The following ADAM29 variants were observed in gnomAD, a reference collection of about 807,000 sequenced individuals.
The protein encoded by ADAM29 is disintegrin and metalloproteinase domain-containing protein 29.
For missense variants in ADAM29, 969 were observed against 1,001.8 expected (o/e 0.97, Z 0.44); for synonymous variants, 367 against 342.3 (o/e 1.07, Z -0.80).
chr4:174,953,609 G>C (rs1745316028), intron 4 of ADAM29, among the ~76,000 whole-genome samples: 1 of 152,090 alleles, frequency 6.6e-6, no homozygotes, highest in South Asian at 2.1e-4. Context: ...TTATTGTTTT[G>C]GAAGATTACT....
intron 4 of ADAM29, among the ~76,000 whole-genome samples, chr4:174,948,873 C>T (rs1579044139): frequency 2.0e-5 from 3 of 152,202 alleles, no homozygotes; most frequent in East Asian, 3.9e-4. Context: ...TATGAGTTCA[C>T]ATCGGCGGTG....
At chr4:174,956,283 C>T (rs1745492984) in intron 4 of ADAM29, among the ~76,000 whole-genome samples, 1 of 152,030 alleles carries the variant, frequency 6.6e-6, no homozygotes, top group Non-Finnish European at 1.5e-5. Context: ...CCTTCCTCAA[C>T]ATCTATACAA....
chr4:174,942,824 A>G (rs745330253), intron 4 of ADAM29, among the ~76,000 whole-genome samples: 10 of 152,174 alleles, frequency 6.6e-5, no homozygotes, highest in Non-Finnish European at 7.3e-5. Context: ...TTTCTTTTCT[A>G]CCAAATGGTC....
chr4:174,958,892 T>C (rs1387332374), intron 4 of ADAM29, among the ~76,000 whole-genome samples: 1 of 151,880 alleles, frequency 6.6e-6, no homozygotes, highest in Admixed American at 6.6e-5. Context: ...AGGTACCTTG[T>C]AACACAGTGT....
intron 4 of ADAM29, among the ~76,000 whole-genome samples, chr4:174,955,251 A>C (rs1056162997): frequency 1.1e-4 from 16 of 152,068 alleles, no homozygotes; most frequent in Admixed American, 6.6e-5. Context: ...TTGAATCATG[A>C]ATTGTCTGAT....
At chr4:174,974,900 GATA>G (rs1746670074) in intron 4 of ADAM29, among the ~76,000 whole-genome samples, 2 of 152,112 alleles carry the variant, frequency 1.3e-5, no homozygotes, top group Non-Finnish European at 2.9e-5. Context: ...ATGTCTCTTA[GATA>G]ATGTTTTCAA....
intron 4 of ADAM29, among the ~76,000 whole-genome samples, chr4:174,941,653 C>T (rs1291161897): frequency 6.6e-6 from 1 of 152,144 alleles, no homozygotes; most frequent in Non-Finnish European, 1.5e-5. Context: ...CACCAGGTCC[C>T]TCTCCTGACA....
chr4:174,973,750 G>A (rs1746596107), intron 4 of ADAM29, among the ~76,000 whole-genome samples: 1 of 151,950 alleles, frequency 6.6e-6, no homozygotes, highest in South Asian at 2.1e-4. Context: ...ATCATTGCTG[G>A]TGCCATCTGG....
intron 2 of ADAM29, among the ~76,000 whole-genome samples, chr4:174,923,307 G>A (rs546744532): frequency 2.0e-5 from 3 of 151,550 alleles, no homozygotes; most frequent in South Asian, 2.1e-4. Context: ...CACCCACCTC[G>A]GACTCCCAAA....
In ADAM29 at chr4:174,945,654, C is replaced by T. The variant is rs146956109; in HGVS notation, c.-181+8641C>T. On this transcript the variant is annotated intron_variant, in intron 4 of 4. Coordinates refer to ENST00000359240, the MANE Select transcript of ADAM29 (RefSeq NM_014269.4). Reference sequence around the variant, plus strand: ...TTACATTTAAGTAATTAGTTTATCTCGAGTTGATTTTTGTATATGGTGTAA... The same window carrying T: ...TTACATTTAAGTAATTAGTTTATCTTGAGTTGATTTTTGTATATGGTGTAA... Among the ~76,000 whole-genome samples, 1,227 of 152,030 alleles carry T rather than the reference C, an allele frequency of 8.1e-3. 11 individuals are homozygous for T. Among genetic ancestry groups the T allele is most frequent in the Middle Eastern group, 0.024 (7 of 294 alleles).
intron 4 of ADAM29, among the ~76,000 whole-genome samples, chr4:174,975,071 T>C (rs1202676101): frequency 4.2e-4 from 64 of 152,210 alleles, no homozygotes; most frequent in Non-Finnish European, 8.8e-5. Flanking sequence ...AATAATTACA[T>C]ATTTAAAGAA....
At chr4:174,935,122 A>T (rs1249825880) in intron 3 of ADAM29, among the ~76,000 whole-genome samples, 2 of 152,080 alleles carry the variant, frequency 1.3e-5, no homozygotes, top group African/African-American at 4.8e-5. Context: ...TTACCGAAAT[A>T]CCCTAGTTTT....
At position 174,976,293 on chromosome 4, in the gene ADAM29, C is replaced by A. The variant is rs1382364392; in HGVS notation, c.768C>A (p.Leu256=). 6.2e-7 allele frequency: 1 copy of A among 1,612,106 alleles called. No homozygotes were observed. Among genetic ancestry groups the A allele is most frequent in the South Asian group, 1.1e-5 (1 of 90,502 alleles). Residue 256 remains leucine, a synonymous_variant, in exon 5 of 5, where the codon CTC becomes CTA. Transcript: ENST00000359240. ...FGLEIWTNKN[L]IVVDDVRKSV... ...TGGAGATCTGGACCAATAAAAACCT[C>A]ATTGTAGTAGATGATGTAAGGAAAT...
Position 174,977,377 on chromosome 4 carries a change from A to C in ADAM29, c.1852A>C (p.Ile618Leu). 2 of 1,613,888 alleles carry C rather than the reference A, an allele frequency of 1.2e-6. No individual in the cohort carries two copies. Among genetic ancestry groups the C allele is most frequent in the Non-Finnish European group, 1.7e-6 (2 of 1,180,038 alleles). ...HICIHRHCVH[I>L]TILNSNCSPA... ...ATGCATCCACAGGCACTGTGTCCAT[A>C]TAACCATCTTGAATAGTAATTGCTC... is the stretch of plus-strand genomic sequence containing the variant. The change falls in exon 5 of 5, where the codon ATA becomes CTA. Residue 618 changes from isoleucine to leucine, a missense_variant. By Grantham distance (5) the Ile-to-Leu change is conservative (BLOSUM62 2). Coordinates refer to ENST00000359240, the MANE Select transcript of ADAM29 (RefSeq NM_014269.4).
chr4:174,953,352 T>G lies in ADAM29; in HGVS notation c.-181+16339T>G, dbSNP rs182798379. Among the ~76,000 whole-genome samples the G allele has an allele frequency of 1.3e-3, 191 of 152,364 alleles. 1 individual carries two copies. In the Middle Eastern group the frequency reaches 0.034, roughly 27 times the overall value. The stretch of plus-strand genomic sequence containing the variant: ...TAGTGAATAGATGTTTACTCTTACT[T>G]ATTTTTCAATAAATTATTCTTTACT... On this transcript the variant is annotated intron_variant, in intron 4 of 4. Coordinates refer to ENST00000359240, the MANE Select transcript of ADAM29 (RefSeq NM_014269.4).
At chr4:174,946,585 G>A (rs1744862683) in intron 4 of ADAM29, among the ~76,000 whole-genome samples, 1 of 152,010 alleles carries the variant, frequency 6.6e-6, no homozygotes, top group African/African-American at 2.4e-5. Context: ...ATTTTCAAGG[G>A]GGATGCTTCC....
intron 1 of ADAM29, among the ~76,000 whole-genome samples, chr4:174,919,688 C>A (rs1743062328): frequency 6.6e-6 from 1 of 152,174 alleles, no homozygotes; most frequent in Non-Finnish European, 1.5e-5. Context: ...GCTAGAGATT[C>A]TTTTGCTTTT....
At chr4:174,953,574 T>A (rs11133073) in intron 4 of ADAM29, among the ~76,000 whole-genome samples, 63,700 of 152,042 alleles carry the variant, frequency 0.42, 13,896 homozygotes, top group African/African-American at 0.54. Flanking sequence ...CAAAGGAGAA[T>A]ACTTTAGACC....
chr4:174,939,404 C>T (rs886995645), intron 4 of ADAM29, among the ~76,000 whole-genome samples: 12 of 151,992 alleles, frequency 7.9e-5, no homozygotes, highest in Admixed American at 4.6e-4. Flanking sequence ...TATTCTGGTT[C>T]GAATATTCTG....
Sources: gnomAD v4.1 joint callset for allele counts (sites outside exome capture counted in the v4.1 genomes callset) on GRCh38, gnomAD v4.1.1 for gene constraint, MANE v1.5 for transcripts, NCBI Gene and HGNC (gene_info 2026-07-23, HGNC 2026-07-21) for gene names.